BAZ2B: variants seen among roughly 807,000 people sequenced by gnomAD.
The protein encoded by BAZ2B is bromodomain adjacent to zinc finger domain 2B.
In BAZ2B, 91 loss-of-function variants were observed where a neutral mutation model predicts 246.0. That is an observed-to-expected ratio of 0.37 (90% CI 0.31 to 0.44). The LOEUF (loss-of-function observed/expected upper bound fraction) is 0.44, where lower values mean the gene tolerates loss of function less well. BAZ2B is among the 20% of genes least tolerant of loss of function. The pLI, the probability that BAZ2B is intolerant of heterozygous loss-of-function variation, is 1.00. For missense variants in BAZ2B, 2,332 were observed against 2,533.7 expected (o/e 0.92, Z 1.71); for synonymous variants, 855 against 860.0 (o/e 0.99, Z 0.10).
intron 2 of BAZ2B, among the ~76,000 whole-genome samples, chr2:159,509,462 A>G (rs971344830): frequency 6.6e-6 from 1 of 152,172 alleles, no homozygotes; most frequent in African/African-American, 2.4e-5. Flanking sequence ...TTACACATAC[A>G]TATGTTTTCA....
chr2:159,613,800 A>G (rs1044581450), intron 1 of BAZ2B, among the ~76,000 whole-genome samples: 11 of 152,148 alleles, frequency 7.2e-5, no homozygotes, highest in Non-Finnish European at 1.0e-4. Context: ...TTTTTCACCT[A>G]CCTACAATTC....
the BAZ2B span, among the ~76,000 whole-genome samples, chr2:159,697,817 T>C: frequency 6.6e-6 from 1 of 152,160 alleles, no homozygotes. Context: ...GCCATGACAA[T>C]ATTTTTATTG....
the BAZ2B span, chr2:159,695,233 G>A: frequency 6.6e-6 from 1 of 152,054 alleles, no homozygotes; most frequent in Non-Finnish European, 1.5e-5. Flanking sequence ...TGAGTTTTAA[G>A]AGGTTCTTTA....
At chr2:159,316,228 A>G (rs2062097534), downstream of BAZ2B, among the ~76,000 whole-genome samples, 1 of 152,200 alleles carries the variant, frequency 6.6e-6, no homozygotes, top group African/African-American at 2.4e-5. Context: ...CATGAATTGA[A>G]GAAAGAAATT....
At chr2:159,465,551 A>G (rs1363327550) in intron 3 of BAZ2B, among the ~76,000 whole-genome samples, 1 of 152,220 alleles carries the variant, frequency 6.6e-6, no homozygotes. Context: ...AGTGAAGTAA[A>G]ATAATATTCT....
chr2:159,346,673 C>T (rs760189902), intron 31 of BAZ2B, among the ~76,000 whole-genome samples: 19 of 151,984 alleles, frequency 1.3e-4, no homozygotes, highest in African/African-American at 2.7e-4. Context: ...TGGGTGACAG[C>T]GTGAGACTCC....
At chr2:159,324,656 A>ACCTGC in intron 36 of BAZ2B, among the ~76,000 whole-genome samples, 155 bp downstream of exon 36, 1 of 130,982 alleles carries the variant, frequency 7.6e-6, no homozygotes, top group African/African-American at 3.2e-5. Flanking sequence ...ACACACACAC[A>ACCTGC]CACACACACA....
intron 6 of BAZ2B, among the ~76,000 whole-genome samples, chr2:159,441,167 T>C (rs1274888624): frequency 6.6e-6 from 1 of 152,142 alleles, no homozygotes; most frequent in African/African-American, 2.4e-5. Flanking sequence ...TTTGTTTTAG[T>C]AAGGGATAAC....
chr2:159,502,274 T>C (rs1049265461), intron 2 of BAZ2B, among the ~76,000 whole-genome samples: 3 of 151,842 alleles, frequency 2.0e-5, no homozygotes, highest in Non-Finnish European at 4.4e-5. Flanking sequence ...AAAAACTGAA[T>C]TGTATACTTT....
the BAZ2B span, among the ~76,000 whole-genome samples, chr2:159,638,371 G>A: frequency 6.6e-6 from 1 of 152,112 alleles, no homozygotes; most frequent in East Asian, 1.9e-4. Flanking sequence ...GCATCATCCA[G>A]GAAAACATGA....
At chr2:159,425,219 C>T (rs956950039) in intron 13 of BAZ2B, among the ~76,000 whole-genome samples, 18 of 152,138 alleles carry the variant, frequency 1.2e-4, no homozygotes, top group South Asian at 6.2e-4. Flanking sequence ...CTCACTCTGT[C>T]GCCCAGGCTG....
At chr2:159,562,449 A>C (rs138187481) in intron 1 of BAZ2B, among the ~76,000 whole-genome samples, 1 of 152,326 alleles carries the variant, frequency 6.6e-6, no homozygotes, top group East Asian at 1.9e-4. Context: ...ACTGCTTAGC[A>C]CTTCGCAACA....
chr2:159,638,652 A>G, the BAZ2B span, among the ~76,000 whole-genome samples: 1 of 152,198 alleles, frequency 6.6e-6, no homozygotes, highest in Non-Finnish European at 1.5e-5. Context: ...TTGATTAAGC[A>G]GAAAAAAAAC....
chr2:159,438,815 T>C lies in BAZ2B; in HGVS notation c.901-120A>G, dbSNP rs982983565. On this transcript the variant is annotated intron_variant, in intron 7 of 36. Coordinates refer to ENST00000392783, the MANE Select transcript of BAZ2B (RefSeq NM_013450.4). ...GTGTTCTTAATGCCTTATGATAATA[T>C]CTAAAAATCTAAAAATTCGTAAAAG... 35 of 1,282,600 alleles carry C rather than the reference T, an allele frequency of 2.7e-5. No individual in the cohort carries two copies. The East Asian group carries it at 6.3e-4, about 23-fold the overall frequency. 79.5% of individuals were successfully genotyped at this position (1,282,600 alleles called of 1,614,324 possible).
At chr2:159,689,800 C>T in the BAZ2B span, 1 of 506,846 alleles carries the variant, frequency 2.0e-6, no homozygotes, top group Non-Finnish European at 3.5e-6. Flanking sequence ...TTGTCTGCAC[C>T]TCTTGGGTCA....
chr2:159,602,329 T>C (rs1172006361), intron 1 of BAZ2B, among the ~76,000 whole-genome samples: 1 of 152,134 alleles, frequency 6.6e-6, no homozygotes, highest in Non-Finnish European at 1.5e-5. Flanking sequence ...TAACCTAGCA[T>C]TGGTATGCTA....
At chr2:159,579,948 C>T (rs1445083816) in intron 1 of BAZ2B, among the ~76,000 whole-genome samples, 1 of 152,062 alleles carries the variant, frequency 6.6e-6, no homozygotes, top group Non-Finnish European at 1.5e-5. Flanking sequence ...TATGACAAAC[C>T]CACAGCCAAT....
chr2:159,708,184 C>T, the BAZ2B span, among the ~76,000 whole-genome samples: 2 of 151,900 alleles, frequency 1.3e-5, no homozygotes, highest in Non-Finnish European at 1.5e-5. Context: ...GTCACAGCCA[C>T]ACAGGAGGCT....
chr2:159,349,622 G>A, intron 28 of BAZ2B, 86 bp downstream of exon 28: 1 of 1,353,114 alleles, frequency 7.4e-7, no homozygotes, highest in South Asian at 1.5e-5. Flanking sequence ...TTAACTATCT[G>A]AGTGAGCCCC....
Sources: gnomAD v4.1 joint callset for allele counts (sites outside exome capture counted in the v4.1 genomes callset) on GRCh38, gnomAD v4.1.1 for gene constraint, MANE v1.5 for transcripts, NCBI Gene and HGNC (gene_info 2026-07-23, HGNC 2026-07-21) for gene names.